The following DNAH10 variants were observed in gnomAD, a reference collection of about 807,000 sequenced individuals.
DNAH10 encodes the protein dynein axonemal heavy chain 10.
DNAH10 carries 348 observed loss-of-function variants against 506.6 expected under a neutral mutation model. That is an observed-to-expected ratio of 0.69 (90% CI 0.63 to 0.75). The LOEUF is 0.75. DNAH10 is among the 30% of genes least tolerant of loss of function. The pLI is 0.00. For missense variants in DNAH10, 5,179 were observed against 5,787.1 expected, an observed-to-expected ratio of 0.89 and a Z score of 3.41; for synonymous variants, 2,059 against 2,198.6, an observed-to-expected ratio of 0.94 and a Z score of 1.78.
chr12:123,893,101 G>T, intron 52 of DNAH10, 132 bp from the exon 53 acceptor site: 1 of 943,666 alleles, frequency 1.1e-6, no homozygotes, highest in Admixed American at 2.2e-5. Context: ...TCGGGTCTCA[G>T]GTCAGGCCCA....
Position 123,853,606 on chromosome 12 carries a change from A to T in DNAH10, c.6438+254A>T, listed in dbSNP as rs1951260347. Among the ~76,000 whole-genome samples, 1 of 152,154 alleles carries T rather than the reference A, an allele frequency of 6.6e-6. No individual in the cohort carries two copies. Among genetic ancestry groups the T allele is most frequent in the Non-Finnish European group, 1.5e-5 (1 of 68,026 alleles). On this transcript the variant is annotated intron_variant, in intron 36 of 78. Coordinates refer to ENST00000673944, the MANE Select transcript of DNAH10 (RefSeq NM_001372106.1). The surrounding 1 kb of genome is among the most constrained non-coding windows in gnomAD (Gnocchi z 4.7). ...ACATTTATGATGCTTCCATAGTAAT[A>T]ATCTGTAGTCTCAGGATGGGTGTGG...
At chr12:123,875,206 CT>C in intron 46 of DNAH10, 24 bp from the exon 47 acceptor site, 8 of 1,588,280 alleles carry the variant, frequency 5.0e-6, no homozygotes, top group Non-Finnish European at 6.9e-6. Flanking sequence ...CTACTGTTCT[CT>C]TTTCTTTTTT....
Position 123,914,974 on chromosome 12 carries a change from GAA to G in DNAH10, c.10700_10701del (p.Lys3567ArgfsTer12). 1.2e-6 allele frequency: 2 copies of G among 1,610,082 alleles called. No homozygotes were observed. Among genetic ancestry groups the G allele is most frequent in the Non-Finnish European group, 1.7e-6 (2 of 1,178,186 alleles). On this transcript the variant is annotated frameshift_variant, in exon 62 of 79. Transcript: ENST00000673944. LOFTEE classifies it high-confidence loss of function. ...CAGCAGGCCCTCAACTGGATCAAGA[GAA>G]AAGAGGAGAAGAACAATCTGCGGGT...
At chr12:123,904,521 G>GT (rs1191428192) in intron 57 of DNAH10, among the ~76,000 whole-genome samples, 2 of 152,144 alleles carry the variant, frequency 1.3e-5, no homozygotes, top group Admixed American at 6.5e-5. Context: ...AGGTGGAGGA[G>GT]TGGGGGGGAG....
chr12:123,785,801 T>C lies in DNAH10; in HGVS notation c.1286T>C (p.Met429Thr), dbSNP rs147774367. ...GTCCTGGACACCATCCCCGCCATGATGAGTGCCCTGCGGATGGTGTGGATC... is the reference window on the plus strand; with the variant it reads ...GTCCTGGACACCATCCCCGCCATGACGAGTGCCCTGCGGATGGTGTGGATC... ...HVVLDTIPAM[M>T]SALRMVWIIS... The change falls in exon 9 of 79, where the codon ATG (methionine) becomes ACG (threonine). Residue 429 changes from methionine to threonine, a missense_variant. Around this residue, in one of 3 missense-constraint regions of DNAH10, gnomAD observed 4,844 missense variants for 5,430.5 expected, o/e 0.89. Coordinates refer to ENST00000673944, the MANE Select transcript of DNAH10 (RefSeq NM_001372106.1). This position sits in a 1 kb window ranked among gnomAD's most constrained non-coding sequence, Gnocchi z 4.1. The C allele has an allele frequency of 2.4e-3, 3,918 of 1,614,166 alleles. 8 individuals are homozygous for C. The highest frequency in any genetic ancestry group is 3.1e-3 in the Non-Finnish European group (3,636 of 1,180,000).
At position 123,903,801 on chromosome 12, in the gene DNAH10, C is replaced by T. The variant is rs1001642550; in HGVS notation, c.9815+688C>T. Among the ~76,000 whole-genome samples, 1 of 152,082 alleles carries T rather than the reference C, an allele frequency of 6.6e-6. No individual in the cohort carries two copies. The highest frequency in any genetic ancestry group is 1.5e-5 in the Non-Finnish European group (1 of 68,028). The stretch of plus-strand genomic sequence containing the variant: ...GGAGGGAACACTGTCCTGGTGCCAG[C>T]CTCCGCCCACTGCCTCTGCCCCTGT... On this transcript the variant is annotated intron_variant, in intron 57 of 78. Coordinates refer to ENST00000673944, the MANE Select transcript of DNAH10 (RefSeq NM_001372106.1). The surrounding 1 kb of genome is among the most constrained non-coding windows in gnomAD (Gnocchi z 4.6).
intron 1 of DNAH10, among the ~76,000 whole-genome samples, chr12:123,765,206 G>A (rs924023722): frequency 1.3e-5 from 2 of 151,978 alleles, no homozygotes; most frequent in Non-Finnish European, 2.9e-5. Context: ...CTTCCGGGCA[G>A]CAGATACCCA....
intron 2 of DNAH10, among the ~76,000 whole-genome samples, chr12:123,768,590 G>A (rs576374253): frequency 9.9e-5 from 15 of 151,288 alleles, no homozygotes; most frequent in African/African-American, 2.7e-4. Flanking sequence ...CTCTTCAACC[G>A]AGTGTAGTAT....
Position 123,794,007 on chromosome 12 carries a change from A to G in DNAH10, c.1881A>G (p.Ala627=), listed in dbSNP as rs1958183321. 7.8e-7 allele frequency: 1 copy of G among 1,284,078 alleles called. No homozygotes were observed. Among genetic ancestry groups the G allele is most frequent in the Non-Finnish European group, 1.0e-6 (1 of 985,472 alleles). The allele number at this position is 1,284,078 out of a possible 1,614,324, so 79.5% of individuals were successfully genotyped here. A position where few individuals can be genotyped will look rare whatever the true frequency, so the allele number is the denominator to read the frequency against. ...TTAAGACGCTTCGATCTGCTGAAGC[A>G]GCATTTGACATGCTTTTAAAATTTA... ...ESFKTLRSAE[A]AFDMLLKFKH... The change falls in exon 12 of 79, where the codon GCA becomes GCG. Residue 627 remains alanine (A), a synonymous_variant. Transcript: ENST00000673944.
intron 25 of DNAH10, among the ~76,000 whole-genome samples, chr12:123,828,147 C>T (rs1004136493): frequency 2.0e-5 from 3 of 151,170 alleles, no homozygotes; most frequent in Admixed American, 2.0e-4. Context: ...AAAGAGAAAA[C>T]CAAAAGCTCT....
At chr12:123,771,463 G>C in intron 2 of DNAH10, 138 bp from the exon 3 acceptor site, 2 of 720,910 alleles carry the variant, frequency 2.8e-6, no homozygotes, top group Non-Finnish European at 4.9e-6. Flanking sequence ...TGATTGATTG[G>C]AACAGAAGGT....
In DNAH10 at chr12:123,853,207, C is replaced by G; in HGVS notation, c.6293C>G (p.Thr2098Ser). 6.3e-7 allele frequency: 1 copy of G among 1,593,430 alleles called. No individual in the cohort carries two copies. Among genetic ancestry groups the G allele is most frequent in the Non-Finnish European group, 8.6e-7 (1 of 1,169,536 alleles). Residue 2098 changes from threonine to serine, a missense_variant and splice_region_variant, in exon 36 of 79, where the codon ACT (threonine) becomes AGT (serine). Coordinates refer to ENST00000673944, the MANE Select transcript of DNAH10 (RefSeq NM_001372106.1). The surrounding 1 kb of genome is among the most constrained non-coding windows in gnomAD (Gnocchi z 4.7). ...LFSEGFLEAKTLAKKMTVLYK... is the reference protein window; with the variant it reads ...LFSEGFLEAKSLAKKMTVLYK... ...GTATTATTATCTTCTATCAAAAAGACTCTGGCGAAAAAGATGACGGTTCTG... is the reference window on the plus strand; with the variant it reads ...GTATTATTATCTTCTATCAAAAAGAGTCTGGCGAAAAAGATGACGGTTCTG...
Position 123,916,275 on chromosome 12 carries a change from G to C in DNAH10, c.10723-182G>C, listed in dbSNP as rs1448330092. ...CTCTACCCTGTTTGAGCAAGATCCT[G>C]CCCTGAGCCTGGACCTCATGGTGTA... On this transcript the variant is annotated intron_variant, in intron 62 of 78. Coordinates refer to ENST00000673944, the MANE Select transcript of DNAH10 (RefSeq NM_001372106.1). The surrounding 1 kb of genome is among the most constrained non-coding windows in gnomAD (Gnocchi z 4.6). Among the ~76,000 whole-genome samples, 1 of 152,138 alleles carries C rather than the reference G, an allele frequency of 6.6e-6. No individual in the cohort carries two copies. Among genetic ancestry groups the C allele is most frequent in the Non-Finnish European group, 1.5e-5 (1 of 68,022 alleles).
intron 60 of DNAH10, 126 bp from the exon 61 acceptor site, chr12:123,914,203 A>G: frequency 1.2e-6 from 1 of 829,588 alleles, no homozygotes; most frequent in Middle Eastern, 2.3e-4. Context: ...AGGAAAGAAT[A>G]TCTCAAAACA....
chr12:123,832,690 A>G (rs1050529802), intron 26 of DNAH10, among the ~76,000 whole-genome samples: 11 of 152,090 alleles, frequency 7.2e-5, no homozygotes, highest in Non-Finnish European at 1.5e-4. Context: ...GAGGCATATC[A>G]TTTTGTAATT....
rs1372432932 is a variant in DNAH10 at position 123,833,305 on chromosome 12, C to T, written c.4737C>T (p.His1579=). ...TGGGGCCTTTTCTGCAAACTGTTCA[C>T]AAATGGGAAAAAACGCTTTCTCTAA... ...RFVGPFLQTV[H]KWEKTLSLIG... Residue 1579 remains histidine, a synonymous_variant, in exon 27 of 79, where the codon CAC becomes CAT. Coordinates refer to ENST00000673944, the MANE Select transcript of DNAH10 (RefSeq NM_001372106.1). 6.2e-7 allele frequency: 1 copy of T among 1,613,292 alleles called. No homozygotes were observed. The highest frequency in any genetic ancestry group is 8.5e-7 in the Non-Finnish European group (1 of 1,179,652).
rs1950961758 is a variant in DNAH10, at chr12:123,846,685, G to A, written c.5814+531G>A. Among the ~76,000 whole-genome samples the A allele has an allele frequency of 6.6e-6, 1 of 152,062 alleles. No homozygotes were observed. Among genetic ancestry groups the A allele is most frequent in the African/African-American group, 2.4e-5 (1 of 41,390 alleles). ...TTTTCTTTTTTTAAATTAGAGATGA[G>A]GTCTTGATATGTTGCCCAGGCTTGC... is the stretch of plus-strand genomic sequence containing the variant. On this transcript the variant is annotated intron_variant, in intron 32 of 78. Coordinates refer to ENST00000673944, the MANE Select transcript of DNAH10 (RefSeq NM_001372106.1). This position sits in a 1 kb window ranked among gnomAD's most constrained non-coding sequence, Gnocchi z 4.5.
At chr12:123,891,371 A>G (rs1952974830) in intron 52 of DNAH10, among the ~76,000 whole-genome samples, 1 of 152,174 alleles carries the variant, frequency 6.6e-6, no homozygotes, top group Non-Finnish European at 1.5e-5. Flanking sequence ...GGACTTCAGT[A>G]TATCTTTTTC....
rs570853674 is a variant in DNAH10, at chr12:123,853,923, C to T, written c.6438+571C>T. 9.3e-5 allele frequency among the ~76,000 whole-genome samples: 14 copies of T among 150,652 alleles called. No individual in the cohort carries two copies. The South Asian group carries it at 2.3e-3, about 25-fold the overall frequency. ...GCACGCACATGTACACATACGCACA[C>T]GCACGCACACGCACACGCACACACA... is the stretch of plus-strand genomic sequence containing the variant. On this transcript the variant is annotated intron_variant, in intron 36 of 78. Coordinates refer to ENST00000673944, the MANE Select transcript of DNAH10 (RefSeq NM_001372106.1). This position sits in a 1 kb window ranked among gnomAD's most constrained non-coding sequence, Gnocchi z 4.7.
Sources: allele counts gnomAD v4.1 joint callset (sites outside exome capture counted in the v4.1 genomes callset), GRCh38; gene constraint gnomAD v4.1.1; regional missense constraint gnomAD v4.1.1; non-coding constraint Gnocchi (gnomAD v3.1); transcripts MANE v1.5; gene names NCBI Gene and HGNC (gene_info 2026-07-23, HGNC 2026-07-21).